The following CEP135 variants were observed in gnomAD, a reference collection of about 807,000 sequenced individuals.
CEP135 encodes centrosomal protein of 135 kDa.
CEP135 carries 142 observed loss-of-function variants against 157.3 expected under a neutral mutation model. That is an observed-to-expected ratio of 0.90 (90% CI 0.79 to 1.04). The LOEUF (loss-of-function observed/expected upper bound fraction) is 1.04, where lower values mean the gene tolerates loss of function less well. Ranked by LOEUF, CEP135 falls within the 50% of genes least tolerant of loss-of-function variation. The pLI is 0.00. For missense variants in CEP135, 1,317 were observed against 1,309.2 expected (o/e 1.01, Z -0.09); for synonymous variants, 396 against 439.8 (o/e 0.90, Z 1.25).
intron 19 of CEP135, 130 bp downstream of exon 19, chr4:56,010,033 A>G (rs1016217482): frequency 5.2e-5 from 52 of 992,938 alleles, no homozygotes; most frequent in Non-Finnish European, 7.3e-5. Context: ...ATTAAGGACA[A>G]TGGTGTTTAT....
chr4:56,003,267 A>C (rs1182271056), intron 17 of CEP135, among the ~76,000 whole-genome samples: 2 of 150,356 alleles, frequency 1.3e-5, no homozygotes, highest in Non-Finnish European at 2.9e-5. Context: ...GGCTCACTGC[A>C]AGCTCCGCCT....
chr4:56,020,613 C>T (rs1577914412), intron 23 of CEP135, 63 bp from the exon 24 acceptor site: 1 of 1,320,032 alleles, frequency 7.6e-7, no homozygotes, highest in South Asian at 1.3e-5. Flanking sequence ...ATTTAAAAAA[C>T]CCACAGCACC....
chr4:55,957,133 A>G, intron 4 of CEP135, 90 bp from the exon 5 acceptor site: 1 of 1,381,754 alleles, frequency 7.2e-7, no homozygotes, highest in East Asian at 2.3e-5. Context: ...CTGCAGACAC[A>G]CTTTATAACC....
chr4:55,987,002 T>C (rs1236809734), intron 14 of CEP135, among the ~76,000 whole-genome samples: 1 of 152,238 alleles, frequency 6.6e-6, no homozygotes, highest in African/African-American at 2.4e-5. Flanking sequence ...TAGTTTGTAT[T>C]ACTATGAAAT....
intron 14 of CEP135, among the ~76,000 whole-genome samples, 193 bp from the exon 15 acceptor site, chr4:55,991,729 TGTATCTTTAATG>T (rs1729803347): frequency 6.6e-6 from 1 of 152,176 alleles, no homozygotes; most frequent in Admixed American, 6.5e-5. Flanking sequence ...ATATTTTGTT[TGTATCTTTAATG>T]GTAGTGAGGA....
chr4:55,952,372 G>C, intron 2 of CEP135, 129 bp downstream of exon 2: 1 of 617,806 alleles, frequency 1.6e-6, no homozygotes, highest in Middle Eastern at 3.2e-4. Context: ...AAGCTTATCT[G>C]TTTTTTCCCT....
chr4:56,011,026 G>A (rs989492025), intron 19 of CEP135, among the ~76,000 whole-genome samples: 1 of 151,774 alleles, frequency 6.6e-6, no homozygotes, highest in African/African-American at 2.4e-5. Context: ...TTGAGCCCAG[G>A]AGTTTGAGAC....
chr4:55,965,872 A>G lies in CEP135; in HGVS notation c.1044+13A>G. On this transcript the variant is annotated intron_variant, in intron 8 of 25. Coordinates refer to ENST00000257287, the MANE Select transcript of CEP135 (RefSeq NM_025009.5). Reference sequence around the variant, plus strand: ...TGGGGAAGCAAAGGTAATGAATGATATGTGTAGATTGTGAGAGTGTTCATT... The same window carrying G: ...TGGGGAAGCAAAGGTAATGAATGATGTGTGTAGATTGTGAGAGTGTTCATT... 6.3e-7 allele frequency: 1 copy of G among 1,592,210 alleles called. No homozygotes were observed. The highest frequency in any genetic ancestry group is 8.6e-7 in the Non-Finnish European group (1 of 1,161,738).
rs572030249 is a variant in CEP135, at chr4:56,011,427, T to C, written c.2521T>C (p.Leu841=). The part of the protein sequence containing the change: ...ARENQEISLE[L]EAAVQEKEEM... ...TGATTTGTAGGAAATCTCATTGGAA[T>C]TGGAAGCAGCAGTGCAAGAAAAAGA... is the stretch of plus-strand genomic sequence containing the variant. The change falls in exon 20 of 26, where the codon TTG becomes CTG. Residue 841 remains leucine (L), a synonymous_variant. Transcript: ENST00000257287. 6.2e-7 allele frequency: 1 copy of C among 1,608,910 alleles called. No individual in the cohort carries two copies. Among genetic ancestry groups the C allele is most frequent in the Admixed American group, 1.7e-5 (1 of 58,968 alleles).
At chr4:55,979,378 A>G (rs561065897) in intron 11 of CEP135, among the ~76,000 whole-genome samples, 1 of 152,314 alleles carries the variant, frequency 6.6e-6, no homozygotes, top group South Asian at 2.1e-4. Flanking sequence ...GCATCTTTTA[A>G]ATTGCACTAA....
intron 18 of CEP135, 75 bp downstream of exon 18, chr4:56,008,457 T>C: frequency 8.9e-7 from 1 of 1,128,302 alleles, no homozygotes; most frequent in African/African-American, 1.6e-5. Flanking sequence ...TTCAGTAGCA[T>C]TGCAGCAATA....
In CEP135 at chr4:55,974,748, C is replaced by T. The variant is rs747812122; in HGVS notation, c.1252C>T (p.Arg418Ter). 2.0e-5 allele frequency: 32 copies of T among 1,608,520 alleles called. No homozygotes were observed. The highest frequency in any genetic ancestry group is 6.7e-5 in the African/African-American group (5 of 74,586). The change falls in exon 11 of 26, where the codon CGA becomes TGA. Residue 418 changes from arginine to a stop codon, truncating the protein, a stop_gained and splice_region_variant. Transcript: ENST00000257287. LOFTEE classifies it high-confidence loss of function. ...GAGTTAACCACTTTAATTTACAGAA[C>T]GACAACTTACTCTGGAGGTTGAGAG... Reference protein sequence around the residue: ...KKVESFAVTERQLTLEVERMR... With the variant: ...KKVESFAVTE
chr4:55,974,698 C>A, intron 10 of CEP135, 48 bp from the exon 11 acceptor site: 3 of 1,369,096 alleles, frequency 2.2e-6, no homozygotes, highest in Non-Finnish European at 3.1e-6. Flanking sequence ...GACTAATCAA[C>A]ATTATGTATA....
intron 19 of CEP135, 93 bp from the exon 20 acceptor site, chr4:56,011,319 T>A: frequency 1.2e-6 from 1 of 856,478 alleles, no homozygotes; most frequent in Non-Finnish European, 1.8e-6. Flanking sequence ...TACTCTATCT[T>A]ATTCTCCAAT....
At chr4:55,986,203 G>A (rs1028390078) in intron 14 of CEP135, among the ~76,000 whole-genome samples, 59 of 152,272 alleles carry the variant, frequency 3.9e-4, no homozygotes, top group African/African-American at 1.4e-3. Context: ...TAAGCTCTTA[G>A]TAGGTATTAG....
rs1322203091 is a variant in CEP135, at chr4:55,952,156, A to G, written c.26A>G (p.Tyr9Cys). MTTAVERK[Y>C]INIRKRLDQL... is the part of the protein sequence containing the mutation. ...ATGACTACAGCTGTAGAGAGAAAGT[A>G]TATTAATATTAGGAAAAGGCTGGAT... The change falls in exon 2 of 26, where the codon TAT becomes TGT. Residue 9 changes from tyrosine (Y) to cysteine (C), a missense_variant. By Grantham distance (194) the Tyr-to-Cys change is radical. Coordinates refer to ENST00000257287, the MANE Select transcript of CEP135 (RefSeq NM_025009.5). The G allele has an allele frequency of 1.9e-6, 3 of 1,609,516 alleles. No homozygotes were observed. The highest frequency in any genetic ancestry group is 3.3e-5 in the Admixed American group (2 of 60,004).
At chr4:55,983,374 C>G (rs1291483728) in intron 13 of CEP135, among the ~76,000 whole-genome samples, 1 of 152,186 alleles carries the variant, frequency 6.6e-6, no homozygotes, top group East Asian at 1.9e-4. Flanking sequence ...AGATCTTTTA[C>G]TTAAAAGTGT....
At position 56,009,755 on chromosome 4, in the gene CEP135, T is replaced by G; in HGVS notation, c.2357T>G (p.Val786Gly). 2 of 1,608,756 alleles carry G rather than the reference T, an allele frequency of 1.2e-6. No individual in the cohort carries two copies. The highest frequency in any genetic ancestry group is 8.5e-7 in the Non-Finnish European group (1 of 1,178,876). Residue 786 changes from valine to glycine, a missense_variant, in exon 19 of 26, where the codon GTT becomes GGT. Transcript: ENST00000257287. ...AACAGCCAGCTGAAAGAAACATTGG[T>G]TAATCGAGATCGTGAGATAAACAGC... Reference protein sequence around the residue: ...SSVNQLKETLVNRDREINSLR... With the variant: ...SSVNQLKETLGNRDREINSLR...
intron 17 of CEP135, among the ~76,000 whole-genome samples, chr4:56,004,623 CTCTT>C (rs1443631594): frequency 5.3e-5 from 8 of 152,242 alleles, no homozygotes; most frequent in Admixed American, 6.5e-5. Context: ...TTATTATACT[CTCTT>C]TCTGTATTGA....
Sources: allele counts gnomAD v4.1 joint callset (sites outside exome capture counted in the v4.1 genomes callset), GRCh38; gene constraint gnomAD v4.1.1; transcripts MANE v1.5; gene names NCBI Gene and HGNC (gene_info 2026-07-23, HGNC 2026-07-21).